Variants in SYT2 observed in about 807,000 individuals in gnomAD.
The protein encoded by SYT2 is synaptotagmin-2.
SYT2 carries 15 observed loss-of-function variants against 39.9 expected under a neutral mutation model. The observed-to-expected ratio is 0.38, with a 90% CI of 0.25 to 0.58. The LOEUF is 0.58. Ranked by LOEUF, SYT2 falls within the 20% of genes least tolerant of loss-of-function variation. The probability of loss-of-function intolerance (pLI) is 0.70; values close to 1 mark genes in which losing one functional copy is unlikely to be tolerated. For missense variants in SYT2, 389 were observed against 530.3 expected (o/e 0.73, Z 2.62); for synonymous variants, 181 against 204.5 (o/e 0.89, Z 0.98).
chr1:202,623,745 C>A lies in SYT2; in HGVS notation c.-17-17956G>T, dbSNP rs1558435169. The stretch of plus-strand genomic sequence containing the variant: ...ACGGGTAGGACTGTGGGGGTCTGCC[C>A]TGGTCGTGCTCCCAAGAGAGGCACT... On this transcript the variant is annotated intron_variant, in intron 1 of 8. Transcript: ENST00000367268. The surrounding 1 kb of genome is among the most constrained non-coding windows in gnomAD (Gnocchi z 4.2). Among the ~76,000 whole-genome samples the A allele has an allele frequency of 6.6e-6, 1 of 152,192 alleles. No individual in the cohort carries two copies. Among genetic ancestry groups the A allele is most frequent in the Admixed American group, 6.5e-5 (1 of 15,280 alleles).
At chr1:202,668,833 A>G (rs1245189874) in intron 1 of SYT2, among the ~76,000 whole-genome samples, 1 of 152,232 alleles carries the variant, frequency 6.6e-6, no homozygotes, top group Non-Finnish European at 1.5e-5. Flanking sequence ...GTGGCGAGGC[A>G]CTGACCGATG....
rs1438295300 is a variant in SYT2 at position 202,628,142 on chromosome 1, C to T, written c.-17-22353G>A. Among the ~76,000 whole-genome samples the T allele has an allele frequency of 6.6e-6, 1 of 152,190 alleles. No individual in the cohort carries two copies. Among genetic ancestry groups the T allele is most frequent in the Non-Finnish European group, 1.5e-5 (1 of 68,032 alleles). ...CACTGTGCCCACTCCGTGCCAGCGG[C>T]ATATTTCATTTCATCCGGGCCTTGT... On this transcript the variant is annotated intron_variant, in intron 1 of 8. Transcript: ENST00000367268. This position sits in a 1 kb window ranked among gnomAD's most constrained non-coding sequence, Gnocchi z 4.2.
At chr1:202,597,672 T>C (rs1690346026) in intron 8 of SYT2, among the ~76,000 whole-genome samples, 1 of 151,942 alleles carries the variant, frequency 6.6e-6, no homozygotes, top group Non-Finnish European at 1.5e-5. Flanking sequence ...AAAAGGAGTG[T>C]CGTGGACATT....
At chr1:202,685,297 G>A (rs1404263661) in intron 1 of SYT2, among the ~76,000 whole-genome samples, 1 of 152,138 alleles carries the variant, frequency 6.6e-6, no homozygotes. Context: ...ATCTGCACCA[G>A]TGCCCCCCAC....
intron 1 of SYT2, among the ~76,000 whole-genome samples, chr1:202,707,153 T>C (rs992243898): frequency 1.3e-5 from 2 of 152,234 alleles, no homozygotes; most frequent in African/African-American, 4.8e-5. Context: ...GTGGAACGAA[T>C]GCAGAAGGGA....
intron 1 of SYT2, among the ~76,000 whole-genome samples, chr1:202,709,314 G>A (rs1349189566): frequency 1.3e-5 from 2 of 152,200 alleles, no homozygotes; most frequent in South Asian, 2.1e-4. Context: ...GACACCCCAC[G>A]AGCCATGGGC....
chr1:202,695,533 A>C (rs1233464897), intron 1 of SYT2, among the ~76,000 whole-genome samples: 1 of 152,190 alleles, frequency 6.6e-6, no homozygotes, highest in Non-Finnish European at 1.5e-5. Context: ...AGGACAAGAG[A>C]GCAAAGGTGT....
At chr1:202,656,297 G>C (rs775390867) in intron 1 of SYT2, among the ~76,000 whole-genome samples, 9 of 152,220 alleles carry the variant, frequency 5.9e-5, no homozygotes, top group African/African-American at 1.2e-4. Context: ...GGACTCCAAG[G>C]TAAACAGAAA....
chr1:202,652,935 C>A (rs1228056976), intron 1 of SYT2, among the ~76,000 whole-genome samples: 2 of 152,098 alleles, frequency 1.3e-5, no homozygotes, highest in Non-Finnish European at 1.5e-5. Context: ...GCCTTTGATG[C>A]ATATCATTTT....
chr1:202,691,717 GA>G (rs1558463310), intron 1 of SYT2, among the ~76,000 whole-genome samples: 1,912 of 43,352 alleles, frequency 0.044, 249 homozygotes, highest in East Asian at 0.12. Flanking sequence ...GAGGGAGAGG[GA>G]GAGGGAGAGG....
intron 1 of SYT2, among the ~76,000 whole-genome samples, chr1:202,708,555 G>C (rs1415308634): frequency 6.6e-6 from 1 of 152,060 alleles, no homozygotes; most frequent in African/African-American, 2.4e-5. Flanking sequence ...GGTTCAGTCG[G>C]GGTTCAGTGG....
intron 8 of SYT2, among the ~76,000 whole-genome samples, chr1:202,598,086 G>A (rs1377634392): frequency 6.6e-6 from 1 of 152,170 alleles, no homozygotes; most frequent in Non-Finnish European, 1.5e-5. Flanking sequence ...AGCAAGGAGT[G>A]TGTGGATTAC....
intron 1 of SYT2, among the ~76,000 whole-genome samples, chr1:202,647,124 A>G (rs572475223): frequency 2.4e-4 from 37 of 152,102 alleles, no homozygotes; most frequent in Admixed American, 2.0e-4. Context: ...CATGATCTCT[A>G]TCAGCATCCT....
At chr1:202,608,283 ATTT>A (rs56180154) in intron 1 of SYT2, among the ~76,000 whole-genome samples, 1 of 141,290 alleles carries the variant, frequency 7.1e-6, no homozygotes, top group African/African-American at 2.6e-5. Context: ...GATAGAAAAC[ATTT>A]TTTTTTTTTT....
intron 1 of SYT2, among the ~76,000 whole-genome samples, chr1:202,694,171 G>A (rs1653915964): frequency 6.6e-6 from 1 of 152,224 alleles, no homozygotes. Context: ...GAACATCCAA[G>A]CCATATCAGA....
At chr1:202,650,408 G>GACA (rs1558448688) in intron 1 of SYT2, among the ~76,000 whole-genome samples, 3 of 152,006 alleles carry the variant, frequency 2.0e-5, no homozygotes, top group Admixed American at 6.6e-5. Flanking sequence ...TGGGTCTTTG[G>GACA]GGTCTGCCAA....
chr1:202,687,252 C>G (rs1347822474), intron 1 of SYT2, among the ~76,000 whole-genome samples: 1 of 152,082 alleles, frequency 6.6e-6, no homozygotes, highest in Admixed American at 6.5e-5. Context: ...TACGACCCAG[C>G]CCCTGGTTTT....
At chr1:202,647,938 C>CAT (rs1259837094) in intron 1 of SYT2, among the ~76,000 whole-genome samples, 2 of 152,132 alleles carry the variant, frequency 1.3e-5, no homozygotes, top group African/African-American at 4.8e-5. Flanking sequence ...TGAGCATTAG[C>CAT]ATGGATACCA....
chr1:202,663,787 G>A (rs1390939134), intron 1 of SYT2, among the ~76,000 whole-genome samples: 1 of 152,114 alleles, frequency 6.6e-6, no homozygotes, highest in Non-Finnish European at 1.5e-5. Context: ...GGAAGACCAC[G>A]GGGCAGCTCT....
Sources: allele counts gnomAD v4.1 joint callset (sites outside exome capture counted in the v4.1 genomes callset), GRCh38; gene constraint gnomAD v4.1.1; non-coding constraint Gnocchi (gnomAD v3.1); transcripts MANE v1.5; gene names NCBI Gene and HGNC (gene_info 2026-07-23, HGNC 2026-07-21).